PTPRJ: variants seen among roughly 807,000 people sequenced by gnomAD.
PTPRJ encodes receptor-type tyrosine-protein phosphatase eta.
In PTPRJ, 129 loss-of-function variants were observed where a neutral mutation model predicts 141.3. The ratio of observed to expected loss-of-function variants is 0.91; its 90% CI spans 0.79 to 1.06. The LOEUF is 1.06. PTPRJ is among the 50% of genes least tolerant of loss of function. PTPRJ has a pLI of 0.00. For missense variants in PTPRJ, 1,601 were observed against 1,679.7 expected (o/e 0.95, Z 0.82); for synonymous variants, 610 against 640.5 (o/e 0.95, Z 0.72).
chr11:48,152,529 A>G (rs967324130), intron 18 of PTPRJ, among the ~76,000 whole-genome samples: 69 of 152,196 alleles, frequency 4.5e-4, no homozygotes, highest in African/African-American at 1.3e-3. Flanking sequence ...GCCCATGCCT[A>G]TGTCCTGAAT....
intron 1 of PTPRJ, among the ~76,000 whole-genome samples, chr11:48,053,600 A>G (rs553237975): frequency 7.7e-5 from 11 of 143,266 alleles, no homozygotes; most frequent in Non-Finnish European, 1.6e-4. Flanking sequence ...TTTTTGAGAG[A>G]CAGTCTTGCT....
Position 48,167,123 on chromosome 11 carries a change from G to T in PTPRJ, c.3856-81G>T. On this transcript the variant is annotated intron_variant, in intron 24 of 24. Coordinates refer to ENST00000418331, the MANE Select transcript of PTPRJ (RefSeq NM_002843.4). ...GGGTTTGGGAGTTGGGCGGGGGAAT[G>T]ACCTGTTTGAAAATAATTTTGGGTG... is the stretch of plus-strand genomic sequence containing the variant. 6 of 1,365,510 alleles carry T rather than the reference G, an allele frequency of 4.4e-6. No individual in the cohort carries two copies. The South Asian group carries it at 7.7e-5, about 18-fold the overall frequency. The allele number at this position is 1,365,510 out of a possible 1,614,324, so 84.6% of individuals were successfully genotyped here.
chr11:48,089,361 C>T (rs377523394), intron 1 of PTPRJ, among the ~76,000 whole-genome samples: 7 of 151,902 alleles, frequency 4.6e-5, no homozygotes, highest in Non-Finnish European at 8.8e-5. Context: ...ACTAAAAATA[C>T]GAAAACTATC....
intron 8 of PTPRJ, among the ~76,000 whole-genome samples, chr11:48,135,682 A>G (rs772833277): frequency 3.9e-5 from 6 of 151,908 alleles, no homozygotes; most frequent in Non-Finnish European, 7.4e-5. Context: ...GGTTTTCACC[A>G]TGTTGGCCAG....
intron 1 of PTPRJ, among the ~76,000 whole-genome samples, chr11:48,009,097 A>G (rs1854705610): frequency 6.6e-6 from 1 of 152,202 alleles, no homozygotes. Flanking sequence ...CAATGGGATG[A>G]ACCGTGTGTG....
intron 1 of PTPRJ, among the ~76,000 whole-genome samples, chr11:48,079,380 G>A (rs1173706201): frequency 6.6e-6 from 1 of 152,078 alleles, no homozygotes; most frequent in Non-Finnish European, 1.5e-5. Flanking sequence ...GGGAGTGTGC[G>A]TGGAAGGGTG....
At chr11:48,053,148 A>G (rs1245306234) in intron 1 of PTPRJ, among the ~76,000 whole-genome samples, 1 of 115,652 alleles carries the variant, frequency 8.6e-6, no homozygotes, top group Non-Finnish European at 1.7e-5. Flanking sequence ...ATATATAAAA[A>G]TAAATATATA....
Position 48,163,465 on chromosome 11 carries a change from C to T in PTPRJ, c.3566C>T (p.Thr1189Ile). The T allele has an allele frequency of 6.2e-7, 1 of 1,613,978 alleles. No homozygotes were observed. Among genetic ancestry groups the T allele is most frequent in the Non-Finnish European group, 8.5e-7 (1 of 1,179,908 alleles). Residue 1189 changes from threonine (T) to isoleucine (I), a missense_variant, in exon 23 of 25, where the codon ACA (threonine) becomes ATA (isoleucine). Transcript: ENST00000418331. ...IRDFTVKNIQ[T>I]SESHPLRQFH... ...CATTTTCTGGGCTTTTAGATCCAGA[C>T]AAGTGAGAGTCACCCTCTGAGACAG...
intron 1 of PTPRJ, among the ~76,000 whole-genome samples, chr11:48,070,269 A>C (rs994687266): frequency 6.6e-6 from 1 of 152,156 alleles, no homozygotes; most frequent in African/African-American, 2.4e-5. Context: ...GGGGAGGCTG[A>C]GGTGGGTGGA....
At position 47,980,981 on chromosome 11, in the gene PTPRJ, G is replaced by A. The variant is rs1247359180; in HGVS notation, c.69G>A (p.Leu23=). 1.6e-6 allele frequency: 2 copies of A among 1,212,810 alleles called. No individual in the cohort carries two copies. The highest frequency in any genetic ancestry group is 2.0e-6 in the Non-Finnish European group (2 of 976,156). 75.1% of individuals were successfully genotyped at this position (1,212,810 alleles called of 1,614,324 possible). The change falls in exon 1 of 25, where the codon CTG becomes CTA. Residue 23 remains leucine (L), a synonymous_variant. Coordinates refer to ENST00000418331, the MANE Select transcript of PTPRJ (RefSeq NM_002843.4). ...CCGGGCTGCGCTGGGCGCTGCCGCT[G>A]CTGCTGCTGCTGCTGCGCCTGGGCC... ...RSPGLRWALP[L]LLLLLRLGQI...
At chr11:48,052,987 G>A (rs1221714819) in intron 1 of PTPRJ, among the ~76,000 whole-genome samples, 2 of 149,488 alleles carry the variant, frequency 1.3e-5, no homozygotes, top group East Asian at 2.0e-4. Flanking sequence ...TCCTCTGAAA[G>A]GTGGCCACCA....
intron 6 of PTPRJ, among the ~76,000 whole-genome samples, chr11:48,126,336 A>G (rs916731940): frequency 4.6e-5 from 7 of 151,922 alleles, no homozygotes; most frequent in Non-Finnish European, 2.9e-5. Flanking sequence ...TTTGGGTTGA[A>G]CTGTCTTCAT....
At chr11:48,018,333 C>G (rs1045445682) in intron 1 of PTPRJ, among the ~76,000 whole-genome samples, 1 of 151,936 alleles carries the variant, frequency 6.6e-6, no homozygotes, top group African/African-American at 2.4e-5. Flanking sequence ...GCTACACACC[C>G]GGGATGCTGC....
In PTPRJ at chr11:48,048,880, G is replaced by C. The variant is rs576140120; in HGVS notation, c.97-61178G>C. On this transcript the variant is annotated intron_variant, in intron 1 of 24. Transcript: ENST00000418331. ...ATCACTTTCACAGTCTTGGAAGGCA[G>C]ATATTTCTGTTATCCTCATTTTACA... Among the ~76,000 whole-genome samples, 9 of 152,308 alleles carry C rather than the reference G, an allele frequency of 5.9e-5. No individual in the cohort carries two copies. In the East Asian group the frequency reaches 1.7e-3, roughly 29 times the overall value.
intron 1 of PTPRJ, among the ~76,000 whole-genome samples, chr11:47,996,191 T>C (rs775291738): frequency 8.8e-5 from 13 of 147,538 alleles, no homozygotes; most frequent in Non-Finnish European, 1.8e-4. Flanking sequence ...AAAAATTAGC[T>C]GGGCATGGTG....
At chr11:48,131,606 G>A in intron 8 of PTPRJ, 2 of 748,890 alleles carry the variant, frequency 2.7e-6, no homozygotes, top group Non-Finnish European at 5.0e-6. Flanking sequence ...GTCTGTTTTT[G>A]TAAATAAAGT....
intron 1 of PTPRJ, among the ~76,000 whole-genome samples, chr11:48,051,834 T>C: frequency 6.6e-6 from 1 of 152,228 alleles, no homozygotes; most frequent in Non-Finnish European, 1.5e-5. Flanking sequence ...AATTCTAGCT[T>C]CTTCTATGAC....
At chr11:48,110,442 G>C (rs1856410585) in intron 2 of PTPRJ, among the ~76,000 whole-genome samples, 1 of 152,030 alleles carries the variant, frequency 6.6e-6, no homozygotes, top group Non-Finnish European at 1.5e-5. Context: ...CAGGTGATCC[G>C]CCCGCCTTGG....
At position 48,101,647 on chromosome 11, in the gene PTPRJ, A is replaced by G. The variant is rs185996765; in HGVS notation, c.97-8411A>G. Among the ~76,000 whole-genome samples, 385 of 152,046 alleles carry G rather than the reference A, an allele frequency of 2.5e-3. 2 individuals carry two copies. Among genetic ancestry groups the G allele is most frequent in the African/African-American group, 8.8e-3 (367 of 41,484 alleles). On this transcript the variant is annotated intron_variant, in intron 1 of 24. Coordinates refer to ENST00000418331, the MANE Select transcript of PTPRJ (RefSeq NM_002843.4). ...CCAGGAAGGCATGGACTGAATATAC[A>G]CCCAGCTGGGCAGTGGGGAAGGGAG...
Sources: gnomAD v4.1 joint callset for allele counts (sites outside exome capture counted in the v4.1 genomes callset) on GRCh38, gnomAD v4.1.1 for gene constraint, MANE v1.5 for transcripts, NCBI Gene and HGNC (gene_info 2026-07-23, HGNC 2026-07-21) for gene names.